The following AP3B1 variants were observed in gnomAD, a reference collection of about 807,000 sequenced individuals.
AP3B1 encodes the protein AP-3 complex subunit beta-1.
Under a neutral mutation model 132.5 loss-of-function variants are expected in AP3B1, and 61 were observed. That is an observed-to-expected ratio of 0.46 (90% CI 0.37 to 0.57). The LOEUF (loss-of-function observed/expected upper bound fraction) is 0.57, where lower values mean the gene tolerates loss of function less well. AP3B1 is among the 20% of genes least tolerant of loss of function. The probability of loss-of-function intolerance (pLI) is 0.00; values close to 1 mark genes in which losing one functional copy is unlikely to be tolerated. For synonymous variants in AP3B1, 388 were observed against 438.3 expected, an observed-to-expected ratio of 0.89 and a Z score of 1.43; for missense variants, 1,120 against 1,289.4, an observed-to-expected ratio of 0.87 and a Z score of 2.01.
rs150995197 is a variant in AP3B1 at position 78,054,249 on chromosome 5, G to A, written c.2578-14975C>T. Among the ~76,000 whole-genome samples, 6 of 152,328 alleles carry A rather than the reference G, an allele frequency of 3.9e-5. No homozygotes were observed. The East Asian group carries it at 1.2e-3, about 29-fold the overall frequency. On this transcript the variant is annotated intron_variant, in intron 22 of 26. Transcript: ENST00000255194. ...AGATCAAGAGACTGTGAGGTTACAT[G>A]TTGCACAGGTTATGAATATGAACAC...
intron 24 of AP3B1, among the ~76,000 whole-genome samples, chr5:78,031,711 C>T (rs534582387): frequency 6.6e-6 from 1 of 152,298 alleles, no homozygotes; most frequent in African/African-American, 2.4e-5. Context: ...AGTTTTCCCC[C>T]ACGAGTGTTT....
intron 14 of AP3B1, among the ~76,000 whole-genome samples, 167 bp from the exon 15 acceptor site, chr5:78,141,486 AAC>A (rs1370743331): frequency 2.0e-5 from 3 of 152,216 alleles, no homozygotes; most frequent in Admixed American, 1.3e-4. Context: ...TCAAAAAATA[AAC>A]ACATAGGAAA....
chr5:78,015,819 C>T (rs1349678240), intron 25 of AP3B1: 3 of 395,884 alleles, frequency 7.6e-6, no homozygotes, highest in Admixed American at 8.0e-5. Context: ...CTTAGAATCA[C>T]ACATATGAAA....
intron 3 of AP3B1, among the ~76,000 whole-genome samples, chr5:78,230,535 C>T (rs1446847945): frequency 2.0e-5 from 3 of 152,150 alleles, no homozygotes; most frequent in African/African-American, 7.2e-5. Context: ...TAACCTAGTA[C>T]TCAATACAGT....
intron 13 of AP3B1, among the ~76,000 whole-genome samples, chr5:78,161,485 T>C (rs979095393): frequency 8.6e-5 from 13 of 151,980 alleles, no homozygotes; most frequent in African/African-American, 3.1e-4. Context: ...TAGAAAGTCA[T>C]TATTAAAGGC....
intron 22 of AP3B1, chr5:78,087,474 TTTTC>T (rs1750311225): frequency 4.3e-6 from 4 of 935,822 alleles, no homozygotes; most frequent in African/African-American, 1.8e-5. Flanking sequence ...AGTTCTAGCA[TTTTC>T]TTTGTTTAAA....
At chr5:78,059,134 G>T (rs1050474836) in intron 22 of AP3B1, among the ~76,000 whole-genome samples, 1 of 152,220 alleles carries the variant, frequency 6.6e-6, no homozygotes, top group African/African-American at 2.4e-5. Flanking sequence ...CACAGATCCT[G>T]TAAGTGAATG....
intron 24 of AP3B1, among the ~76,000 whole-genome samples, chr5:78,029,304 A>G (rs1027495215): frequency 1.3e-5 from 2 of 152,178 alleles, no homozygotes; most frequent in African/African-American, 4.8e-5. Flanking sequence ...GATTACAATG[A>G]ACACAAAATA....
intron 1 of AP3B1, among the ~76,000 whole-genome samples, chr5:78,271,953 C>T (rs981557459): frequency 1.2e-4 from 19 of 152,292 alleles, no homozygotes; most frequent in Middle Eastern, 3.4e-3. Flanking sequence ...TACAGAGTTT[C>T]CCCTTCCAGG....
chr5:78,132,539 G>A (rs1752734918), intron 15 of AP3B1, among the ~76,000 whole-genome samples: 1 of 152,048 alleles, frequency 6.6e-6, no homozygotes, highest in Admixed American at 6.6e-5. Flanking sequence ...TTTTTCATAT[G>A]TGCATAAGAA....
At chr5:78,257,191 A>C (rs1747882066) in intron 2 of AP3B1, among the ~76,000 whole-genome samples, 1 of 152,188 alleles carries the variant, frequency 6.6e-6, no homozygotes, top group Non-Finnish European at 1.5e-5. Context: ...CAAGAGAAAG[A>C]CATAAAGGGT....
intron 22 of AP3B1, among the ~76,000 whole-genome samples, chr5:78,064,703 C>G (rs936690469): frequency 1.3e-5 from 2 of 152,032 alleles, no homozygotes; most frequent in African/African-American, 4.8e-5. Flanking sequence ...TTAGAGAGAG[C>G]ATTTAAGAAA....
rs1337414814 is a variant in AP3B1 at position 78,233,532 on chromosome 5, GC to G, written c.280-5294del. 3.3e-5 allele frequency among the ~76,000 whole-genome samples: 5 copies of G among 152,228 alleles called. No individual in the cohort carries two copies. The South Asian group carries it at 8.3e-4, about 25-fold the overall frequency. ...TTACAGGCGTGAGCCACCACGCCCA[GC>G]CCAGCCTTTCTTTTCTAAAAGTACC... On this transcript the variant is annotated intron_variant, in intron 3 of 26. Transcript: ENST00000255194.
chr5:78,161,171 G>A (rs1390559550), intron 13 of AP3B1, among the ~76,000 whole-genome samples: 2 of 151,712 alleles, frequency 1.3e-5, no homozygotes, highest in Non-Finnish European at 3.0e-5. Flanking sequence ...AGTGATGTAG[G>A]GGTAGAATAT....
intron 26 of AP3B1, among the ~76,000 whole-genome samples, chr5:78,012,438 T>C (rs970520209): frequency 1.3e-5 from 2 of 152,222 alleles, no homozygotes; most frequent in Admixed American, 1.3e-4. Context: ...AGGATAATAA[T>C]TTATGTCAAT....
intron 22 of AP3B1, among the ~76,000 whole-genome samples, chr5:78,082,393 T>A (rs1750052351): frequency 6.6e-6 from 1 of 152,162 alleles, no homozygotes; most frequent in Admixed American, 6.5e-5. Context: ...AATTCAAACA[T>A]TTTCAGGATC....
At chr5:78,084,642 T>C (rs1473280080) in intron 22 of AP3B1, among the ~76,000 whole-genome samples, 1 of 151,846 alleles carries the variant, frequency 6.6e-6, no homozygotes, top group African/African-American at 2.4e-5. Flanking sequence ...GTGCTTTCCA[T>C]TTCTATTTTA....
chr5:78,018,609 AT>A (rs1746955528), intron 25 of AP3B1, among the ~76,000 whole-genome samples: 1 of 151,884 alleles, frequency 6.6e-6, no homozygotes, highest in Admixed American at 6.6e-5. Flanking sequence ...GTCATATGAA[AT>A]AAGATATTAA....
At chr5:78,225,505 C>A (rs781319629) in intron 6 of AP3B1, 37 bp downstream of exon 6, 5 of 1,178,188 alleles carry the variant, frequency 4.2e-6, no homozygotes, top group Non-Finnish European at 2.5e-6. Context: ...AAATAAAGTA[C>A]ATTTTTATGT....
Sources: allele counts gnomAD v4.1 joint callset (sites outside exome capture counted in the v4.1 genomes callset), GRCh38; gene constraint gnomAD v4.1.1; transcripts MANE v1.5; gene names NCBI Gene and HGNC (gene_info 2026-07-23, HGNC 2026-07-21).